The following MYH7B variants were observed in gnomAD, a reference collection of about 807,000 sequenced individuals.
MYH7B encodes myosin-7B.
In MYH7B, 205 loss-of-function variants were observed where a neutral mutation model predicts 234.5. The ratio of observed to expected loss-of-function variants is 0.87; its 90% confidence interval spans 0.78 to 0.98. MYH7B has a LOEUF of 0.98. MYH7B is among the 50% of genes least tolerant of loss of function. The pLI is 0.00. For synonymous variants in MYH7B, 1,193 were observed against 1,105.0 expected (o/e 1.08, Z -1.58); for missense variants, 2,652 against 2,633.4 (o/e 1.01, Z -0.15).
exon 35 of MYH7B, chr20:34,998,778 G>A: frequency 6.2e-7 from 1 of 1,613,140 alleles, no homozygotes. Flanking sequence ...ACCTCCTGCG[G>A]GAGCAACACG....
At chr20:34,995,629 T>A (rs944221098) in intron 28 of MYH7B, 51 bp downstream of exon 28, 1 of 1,601,198 alleles carries the variant, frequency 6.2e-7, no homozygotes, top group Non-Finnish European at 8.5e-7. Flanking sequence ...GGGCCAGCTT[T>A]GGGGCCAGGT....
intron 2 of MYH7B, among the ~76,000 whole-genome samples, chr20:34,969,842 G>T (rs1364251201): frequency 6.6e-6 from 1 of 151,854 alleles, no homozygotes; most frequent in East Asian, 1.9e-4. Flanking sequence ...ACCGTACCCG[G>T]CCACAACTTT....
intron 1 of MYH7B, among the ~76,000 whole-genome samples, chr20:34,957,248 G>T (rs1444567099): frequency 6.6e-6 from 1 of 152,158 alleles, no homozygotes; most frequent in African/African-American, 2.4e-5. Context: ...TTTAAGCAGG[G>T]GAAGGACATG....
rs372826246 is a variant in MYH7B, at chr20:34,998,339, C to T, written c.3792C>T (p.Ser1264=). Residue 1264 remains serine, a synonymous_variant, in exon 33 of 45, where the codon AGC becomes AGT. Coordinates refer to ENST00000262873, the Ensembl canonical transcript of MYH7B. ...GCCGGACCTATGAGGATCAGCTAAG[C>T]GAGGCCAAGATCAAGGTGGAGGAGC... The T allele has an allele frequency of 1.3e-4, 208 of 1,613,882 alleles. No homozygotes were observed. Among genetic ancestry groups the T allele is most frequent in the Non-Finnish European group, 1.6e-4 (194 of 1,180,040 alleles).
At chr20:34,959,818 A>G (rs1157111792) in intron 2 of MYH7B, among the ~76,000 whole-genome samples, 1 of 152,180 alleles carries the variant, frequency 6.6e-6, no homozygotes, top group Non-Finnish European at 1.5e-5. Context: ...CCTAACAATA[A>G]CTACCCTTTA....
intron 2 of MYH7B, among the ~76,000 whole-genome samples, chr20:34,971,647 C>G (rs1039760353): frequency 3.3e-5 from 5 of 152,168 alleles, no homozygotes; most frequent in Admixed American, 6.5e-5. Flanking sequence ...TGCACTGGGA[C>G]CATTATGGCA....
chr20:35,001,846 T>C, intron 43 of MYH7B, 102 bp from the exon 44 acceptor site: 1 of 1,513,116 alleles, frequency 6.6e-7, no homozygotes, highest in Non-Finnish European at 8.9e-7. Context: ...AGGAACAAAG[T>C]TGAGAACCAG....
rs745693007 is a variant in MYH7B, at chr20:34,999,149, A to G, written c.4284A>G (p.Leu1428=). ...CGTTGGAGAAGGCCAAGCTGCGGCT[A>G]CAGACAGAGTCAGAGGATGTAACCC... Residue 1428 remains leucine, a synonymous_variant, in exon 36 of 45, where the codon CTA becomes CTG. Transcript: ENST00000262873. 5.6e-6 allele frequency: 9 copies of G among 1,612,616 alleles called. No homozygotes were observed. The Admixed American group carries it at 1.0e-4, about 18-fold the overall frequency.
rs780992553 is a variant in MYH7B, at chr20:34,999,866, C to G, written c.4741C>G (p.Arg1581Gly). The stretch of plus-strand genomic sequence containing the variant: ...CTCCCAGGTCAAAGCAGAAGTGGAC[C>G]GGAAGCTGGCAGAGAAAGACGAGGA... Residue 1581 changes from arginine (R) to glycine (G), a missense_variant, in exon 38 of 45, where the codon CGG becomes GGG. Physicochemically the swap from Arg to Gly is moderately radical, Grantham distance 125 (BLOSUM62 -2). Transcript: ENST00000262873. The G allele has an allele frequency of 6.2e-7, 1 of 1,612,096 alleles. No homozygotes were observed. The highest frequency in any genetic ancestry group is 8.5e-7 in the Non-Finnish European group (1 of 1,179,272).
At chr20:34,968,012 C>T (rs75635914) in intron 2 of MYH7B, among the ~76,000 whole-genome samples, 12,426 of 152,308 alleles carry the variant, frequency 0.082, 587 homozygotes, top group South Asian at 0.13. Flanking sequence ...CCCCAACACC[C>T]ACAGAGCCAC....
rs763069439 is a variant in MYH7B at position 34,999,208 on chromosome 20, C to T, written c.4343C>T (p.Ala1448Val). 9.3e-6 allele frequency: 15 copies of T among 1,612,010 alleles called. No individual in the cohort carries two copies. The Admixed American group carries it at 1.3e-4, about 14-fold the overall frequency. Residue 1448 changes from alanine to valine, a missense_variant, in exon 36 of 45, where the codon GCG (alanine) becomes GTG (valine). Coordinates refer to ENST00000262873, the Ensembl canonical transcript of MYH7B. ...GAGCGGGCGACCTCAGCAGCTGCTG[C>T]GCTGGACAAGAAGCAGCGGCACTTG...
rs2082371080 is a variant in MYH7B at position 35,001,178 on chromosome 20, T to A, written c.5475+20T>A. ...GCCAAGGTGTGTGCAGCCCCTCTAG[T>A]CCTTGGCGCAGGCAGGGTGGGTGAC... On this transcript the variant is annotated intron_variant, in intron 41 of 44. Coordinates refer to ENST00000262873, the Ensembl canonical transcript of MYH7B. The A allele has an allele frequency of 1.2e-6, 2 of 1,610,226 alleles. No individual in the cohort carries two copies. Among genetic ancestry groups the A allele is most frequent in the Non-Finnish European group, 1.7e-6 (2 of 1,177,398 alleles).
intron 30 of MYH7B, 136 bp downstream of exon 30, chr20:34,996,894 G>A (rs2082269969): frequency 1.5e-6 from 2 of 1,365,820 alleles, no homozygotes; most frequent in African/African-American, 1.4e-5. Flanking sequence ...GGGGTGCAGG[G>A]GTAGTGTCTT....
At chr20:34,993,541 C>T (rs1453591203) in intron 26 of MYH7B, 71 bp downstream of exon 26, 6 of 1,439,034 alleles carry the variant, frequency 4.2e-6, no homozygotes, top group Non-Finnish European at 3.7e-6. Flanking sequence ...ACTGGCTCTC[C>T]CAACCCTAAC....
chr20:34,981,370 G>T (rs2081938736), intron 9 of MYH7B: 2 of 346,986 alleles, frequency 5.8e-6, no homozygotes, highest in East Asian at 6.5e-5. Flanking sequence ...TTCTGGCTCA[G>T]GGGCAGCGGA....
chr20:34,997,554 C>T (rs764714509), exon 32 of MYH7B: 4 of 1,611,468 alleles, frequency 2.5e-6, no homozygotes, highest in South Asian at 2.2e-5. Context: ...GCAGCGGGTG[C>T]GGCAGAAGCT....
chr20:34,988,927 A>C (rs1365080240), intron 19 of MYH7B, among the ~76,000 whole-genome samples: 1 of 150,652 alleles, frequency 6.6e-6, no homozygotes, highest in Non-Finnish European at 1.5e-5. Context: ...CTTATGCCTC[A>C]ACCTCCCAAG....
intron 3 of MYH7B, 30 bp from the exon 4 acceptor site, chr20:34,977,602 G>A: frequency 6.4e-7 from 1 of 1,569,266 alleles, no homozygotes; most frequent in Non-Finnish European, 8.6e-7. Context: ...GGAGATTGCT[G>A]ACATAGCTCT....
chr20:34,981,403 T>A, intron 9 of MYH7B: 1 of 310,920 alleles, frequency 3.2e-6, no homozygotes, highest in East Asian at 9.0e-5. Context: ...CTTTTCCTCC[T>A]TTTTACCATC....
Sources: allele counts gnomAD v4.1 joint callset (sites outside exome capture counted in the v4.1 genomes callset), GRCh38; gene constraint gnomAD v4.1.1; transcripts MANE v1.5; gene names NCBI Gene and HGNC (gene_info 2026-07-23, HGNC 2026-07-21).